AGL: variants seen among roughly 807,000 people sequenced by gnomAD.
AGL encodes the protein glycogen debranching enzyme.
Under a neutral mutation model 199.3 loss-of-function variants are expected in AGL, and 128 were observed. The observed-to-expected ratio is 0.64, with a 90% CI of 0.56 to 0.74. The LOEUF (loss-of-function observed/expected upper bound fraction) is 0.74, where lower values mean the gene tolerates loss of function less well. AGL is among the 30% of genes least tolerant of loss of function. AGL has a pLI of 0.00. For missense variants in AGL, 1,809 were observed against 1,820.8 expected, an observed-to-expected ratio of 0.99 and a Z score of 0.12; for synonymous variants, 584 against 594.7, an observed-to-expected ratio of 0.98 and a Z score of 0.26.
chr1:99,898,147 T>C (rs61811154), intron 25 of AGL, among the ~76,000 whole-genome samples: 46,420 of 151,522 alleles, frequency 0.31, 8,406 homozygotes, highest in East Asian at 0.47. Flanking sequence ...CCCGGGTTCA[T>C]GCCATTCTTC....
chr1:99,889,199 G>T (rs1368249570), intron 21 of AGL, among the ~76,000 whole-genome samples: 4 of 152,168 alleles, frequency 2.6e-5, no homozygotes, highest in African/African-American at 9.7e-5. Flanking sequence ...ATTGGAAATT[G>T]TTAGCCTTAA....
chr1:99,892,090 C>T (rs529672975), intron 23 of AGL, among the ~76,000 whole-genome samples: 1 of 152,058 alleles, frequency 6.6e-6, no homozygotes, highest in Non-Finnish European at 1.5e-5. Flanking sequence ...TCCACTATTA[C>T]TATGAATGAA....
rs1652269754 is a variant in AGL, at chr1:99,884,220, A to C, written c.2409A>C (p.Thr803=). ...CAATCAATGGAACACCAGATATCAC[A>C]GTAGAAATTAGAGAACATATTCAGG... The part of the protein sequence containing the change: ...ENSINGTPDI[T]VEIREHIQLN... Residue 803 remains threonine (T), a synonymous_variant, in exon 18 of 34, where the codon ACA becomes ACC. Transcript: ENST00000361915. The C allele has an allele frequency of 6.2e-7, 1 of 1,613,306 alleles. No homozygotes were observed.
chr1:99,908,225 A>C (rs1221089045), intron 27 of AGL, among the ~76,000 whole-genome samples: 4 of 147,682 alleles, frequency 2.7e-5, no homozygotes, highest in Admixed American at 2.7e-4. Flanking sequence ...TTTTTTTTGC[A>C]TGTGAATATC....
chr1:99,916,568 T>A, intron 32 of AGL, 30 bp from the exon 33 acceptor site: 1 of 1,610,602 alleles, frequency 6.2e-7, no homozygotes, highest in Non-Finnish European at 8.5e-7. Context: ...TATTTATGGT[T>A]TTTTTTGTCT....
intron 26 of AGL, among the ~76,000 whole-genome samples, chr1:99,902,274 A>C (rs938669826): frequency 2.0e-5 from 3 of 152,146 alleles, no homozygotes; most frequent in African/African-American, 7.2e-5. Flanking sequence ...CTCAAATTTG[A>C]GAGTTTCCCT....
intron 27 of AGL, among the ~76,000 whole-genome samples, chr1:99,903,548 G>A (rs922056597): frequency 6.6e-6 from 1 of 152,116 alleles, no homozygotes; most frequent in Non-Finnish European, 1.5e-5. Flanking sequence ...ATGGACATTT[G>A]GGTTGGTTCC....
intron 21 of AGL, among the ~76,000 whole-genome samples, chr1:99,889,433 C>T (rs1652713670): frequency 6.6e-6 from 1 of 151,942 alleles, no homozygotes; most frequent in African/African-American, 2.4e-5. Context: ...TGTATGTGAG[C>T]CAGACATGGT....
intron 25 of AGL, 43 bp downstream of exon 25, chr1:99,896,431 A>T: frequency 7.1e-7 from 1 of 1,411,394 alleles, no homozygotes; most frequent in Non-Finnish European, 1.0e-6. Context: ...TTTATGTCTG[A>T]ATGTCTTTTA....
Position 99,912,431 on chromosome 1 carries a change from G to C in AGL, c.3863G>C (p.Gly1288Ala), listed in dbSNP as rs1333279828. 1 of 1,613,912 alleles carries C rather than the reference G, an allele frequency of 6.2e-7. No homozygotes were observed. Among genetic ancestry groups the C allele is most frequent in the Admixed American group, 1.7e-5 (1 of 60,004 alleles). Reference protein sequence around the residue: ...PRDGSAVEIVGLSKSAVRWLL... With the variant: ...PRDGSAVEIVALSKSAVRWLL... ...GATGGGTCTGCTGTGGAAATTGTGG[G>C]CCTGAGTAAATCTGCTGTTCGCTGG... Residue 1288 changes from glycine to alanine, a missense_variant, in exon 29 of 34, where the codon GGC becomes GCC. Transcript: ENST00000361915.
intron 2 of AGL, among the ~76,000 whole-genome samples, chr1:99,859,545 A>C (rs1435357211): frequency 2.5e-5 from 2 of 80,980 alleles, no homozygotes; most frequent in African/African-American, 1.0e-4. Flanking sequence ...ATAAATTAAA[A>C]GTGGTTATTA....
chr1:99,862,351 C>G lies in AGL; in HGVS notation c.388C>G (p.Gln130Glu). Residue 130 changes from glutamine to glutamate, a missense_variant, in exon 4 of 34, where the codon CAG (glutamine) becomes GAG (glutamate). By Grantham distance (29) the Gln-to-Glu change is conservative. Coordinates refer to ENST00000361915, the MANE Select transcript of AGL (RefSeq NM_000642.3). ...HVLPLDCVTL[Q>E]TFLAKCLGPF... ...GCTACCCTTGGACTGTGTTACTCTT[C>G]AGACATTTTTAGCTAAGTGTTTGGG... 6.2e-7 allele frequency: 1 copy of G among 1,614,062 alleles called. No individual in the cohort carries two copies. Among genetic ancestry groups the G allele is most frequent in the Non-Finnish European group, 8.5e-7 (1 of 1,179,990 alleles).
Position 99,896,407 on chromosome 1 carries a change from T to G in AGL, c.3362+19T>G. Reference sequence around the variant, plus strand: ...AAGCCAGGTAGGAGAGCCTCTAAAGTGTTGTACTGCGAGTTTATGTCTGAA... The same window carrying G: ...AAGCCAGGTAGGAGAGCCTCTAAAGGGTTGTACTGCGAGTTTATGTCTGAA... On this transcript the variant is annotated intron_variant, in intron 25 of 33. Coordinates refer to ENST00000361915, the MANE Select transcript of AGL (RefSeq NM_000642.3). 3 of 1,557,516 alleles carry G rather than the reference T, an allele frequency of 1.9e-6. No homozygotes were observed. The highest frequency in any genetic ancestry group is 2.7e-6 in the Non-Finnish European group (3 of 1,128,508).
chr1:99,856,230 G>A (rs543539945), intron 2 of AGL, among the ~76,000 whole-genome samples: 1 of 152,172 alleles, frequency 6.6e-6, no homozygotes, highest in Non-Finnish European at 1.5e-5. Context: ...TCTACAGAGT[G>A]GCTATGTATC....
At chr1:99,862,597 A>G (rs1213666573) in intron 4 of AGL, among the ~76,000 whole-genome samples, 174 bp downstream of exon 4, 6 of 152,218 alleles carry the variant, frequency 3.9e-5, no homozygotes, top group Non-Finnish European at 5.9e-5. Context: ...CGCAGGCTAT[A>G]CAGGAAGCAT....
At chr1:99,900,900 T>G (rs1327052753) in intron 26 of AGL, 39 bp downstream of exon 26, 1 of 1,515,632 alleles carries the variant, frequency 6.6e-7, no homozygotes, top group East Asian at 2.3e-5. Flanking sequence ...GTTTTTTTTT[T>G]TTTTTCTGAA....
intron 7 of AGL, among the ~76,000 whole-genome samples, chr1:99,871,747 AG>A (rs1651034515): frequency 6.6e-6 from 1 of 152,136 alleles, no homozygotes; most frequent in African/African-American, 2.4e-5. Flanking sequence ...ATTTTACTAA[AG>A]GGCCTCTATC....
At position 99,884,108 on chromosome 1, in the gene AGL, A is replaced by G. The variant is rs748644269; in HGVS notation, c.2309-12A>G. On this transcript the variant is annotated splice_polypyrimidine_tract_variant and intron_variant, in intron 17 of 33. Coordinates refer to ENST00000361915, the MANE Select transcript of AGL (RefSeq NM_000642.3). ...TATGAAATTTTGTTAAAATGTTTTT[A>G]TGTATTCCTAGGCAAAATTGAAGAA... The G allele has an allele frequency of 1.2e-6, 2 of 1,606,396 alleles. No individual in the cohort carries two copies. The highest frequency in any genetic ancestry group is 1.3e-5 in the African/African-American group (1 of 74,872).
chr1:99,856,326 T>TCCTCCCTCCCTC (rs1335103886), intron 2 of AGL, among the ~76,000 whole-genome samples: 1 of 48,872 alleles, frequency 2.0e-5, no homozygotes, highest in Non-Finnish European at 3.8e-5. Flanking sequence ...CTCCCTTCCT[T>TCCTCCCTCCCTC]CCTCCCTCCC....
Sources: allele counts gnomAD v4.1 joint callset (sites outside exome capture counted in the v4.1 genomes callset), GRCh38; gene constraint gnomAD v4.1.1; transcripts MANE v1.5; gene names NCBI Gene and HGNC (gene_info 2026-07-23, HGNC 2026-07-21).